MTUS1: variants seen among roughly 807,000 people sequenced by gnomAD.
MTUS1 encodes the protein microtubule-associated tumor suppressor 1.
A neutral mutation model predicts 120.8 loss-of-function variants in MTUS1; 109 were observed. The observed-to-expected ratio is 0.90, with a 90% confidence interval of 0.77 to 1.06. The LOEUF is 1.06. Among genes scored for constraint, MTUS1 ranks in the 50% least tolerant of loss-of-function variants. The probability of loss-of-function intolerance (pLI) is 0.00; values close to 1 mark genes in which losing one functional copy is unlikely to be tolerated. For missense variants in MTUS1, 2,210 were observed against 1,486.3 expected, an observed-to-expected ratio of 1.49 and a Z score of -8.01; for synonymous variants, 737 against 550.5, an observed-to-expected ratio of 1.34 and a Z score of -4.74.
intron 3 of MTUS1, among the ~76,000 whole-genome samples, chr8:17,738,148 G>A (rs752777532): frequency 6.6e-6 from 1 of 152,166 alleles, no homozygotes; most frequent in African/African-American, 2.4e-5. Context: ...CTTTTGAAAT[G>A]TGGTTTCTCT....
At chr8:17,673,853 G>C (rs1194481651) in intron 8 of MTUS1, among the ~76,000 whole-genome samples, 2 of 152,206 alleles carry the variant, frequency 1.3e-5, no homozygotes, top group South Asian at 2.1e-4. Flanking sequence ...CAGGTTGGCA[G>C]TGTGGTCTTG....
chr8:17,750,775 A>G (rs1423732784), intron 2 of MTUS1, among the ~76,000 whole-genome samples: 1 of 152,206 alleles, frequency 6.6e-6, no homozygotes, highest in Admixed American at 6.5e-5. Context: ...ATAAATATCA[A>G]TTCCTTTCCT....
chr8:17,739,246 C>A (rs2047141941), intron 3 of MTUS1, among the ~76,000 whole-genome samples: 1 of 152,136 alleles, frequency 6.6e-6, no homozygotes, highest in Non-Finnish European at 1.5e-5. Flanking sequence ...GTAATCCCAG[C>A]ACTTTGGGAG....
intron 1 of MTUS1, among the ~76,000 whole-genome samples, chr8:17,794,432 T>C (rs527503897): frequency 1.2e-4 from 18 of 152,344 alleles, no homozygotes; most frequent in African/African-American, 4.3e-4. Context: ...TAAGCCTAAC[T>C]ATACACTACG....
chr8:17,663,806 G>C (rs1234252228), intron 8 of MTUS1, among the ~76,000 whole-genome samples: 3 of 152,142 alleles, frequency 2.0e-5, no homozygotes, highest in African/African-American at 4.8e-5. Flanking sequence ...ACGTTGGCCA[G>C]GCTGGTCTCG....
intron 2 of MTUS1, among the ~76,000 whole-genome samples, chr8:17,748,425 G>A (rs533830560): frequency 2.0e-5 from 3 of 152,130 alleles, no homozygotes; most frequent in Non-Finnish European, 4.4e-5. Flanking sequence ...AAGAGCTTGG[G>A]ACCCACCAAC....
At chr8:17,648,318 GAT>G (rs1806264036) in intron 13 of MTUS1, among the ~76,000 whole-genome samples, 1 of 152,172 alleles carries the variant, frequency 6.6e-6, no homozygotes, top group African/African-American at 2.4e-5. Flanking sequence ...AAGGCTGAAG[GAT>G]ATTATCAGGA....
At chr8:17,746,953 G>GAA (rs1335880777) in intron 2 of MTUS1, among the ~76,000 whole-genome samples, 1 of 152,140 alleles carries the variant, frequency 6.6e-6, no homozygotes, top group Non-Finnish European at 1.5e-5. Context: ...CTTCAACAAT[G>GAA]AAAGCTGTTT....
At chr8:17,688,065 T>C (rs1585700821) in intron 6 of MTUS1, among the ~76,000 whole-genome samples, 1 of 152,304 alleles carries the variant, frequency 6.6e-6, no homozygotes, top group African/African-American at 2.4e-5. Flanking sequence ...ATTTCCTCAA[T>C]CTGCTGGCTT....
chr8:17,712,462 G>A (rs573400644), intron 6 of MTUS1, among the ~76,000 whole-genome samples: 3 of 152,022 alleles, frequency 2.0e-5, no homozygotes, highest in Admixed American at 6.5e-5. Flanking sequence ...TCAGCCTCCT[G>A]AGTGGCTGGG....
At chr8:17,661,287 T>C (rs1658059077) in intron 8 of MTUS1, among the ~76,000 whole-genome samples, 1 of 152,130 alleles carries the variant, frequency 6.6e-6, no homozygotes, top group Admixed American at 6.5e-5. Context: ...GAAATTCTAG[T>C]TTCACGCAGG....
chr8:17,737,856 T>C (rs1362827014), intron 3 of MTUS1, among the ~76,000 whole-genome samples: 1 of 152,210 alleles, frequency 6.6e-6, no homozygotes, highest in Non-Finnish European at 1.5e-5. Flanking sequence ...TATTCAAGTA[T>C]GTGAAAAATC....
At chr8:17,696,935 C>A (rs891250869) in intron 6 of MTUS1, among the ~76,000 whole-genome samples, 2 of 152,150 alleles carry the variant, frequency 1.3e-5, no homozygotes, top group African/African-American at 4.8e-5. Context: ...TCCTATTTCC[C>A]AAACACTGGA....
chr8:17,726,522 TA>T (rs1185907557), intron 3 of MTUS1, among the ~76,000 whole-genome samples: 1 of 152,228 alleles, frequency 6.6e-6, no homozygotes, highest in Non-Finnish European at 1.5e-5. Context: ...TTCATTTTTT[TA>T]AATGCCAACA....
In MTUS1 at chr8:17,689,598, A is replaced by G. The variant is rs535720255; in HGVS notation, c.2624-5056T>C. Among the ~76,000 whole-genome samples, 7 of 152,328 alleles carry G rather than the reference A, an allele frequency of 4.6e-5. No individual in the cohort carries two copies. In the South Asian group the frequency reaches 1.4e-3, roughly 32 times the overall value. On this transcript the variant is annotated intron_variant, in intron 6 of 14. Transcript: ENST00000693296. Reference sequence around the variant, plus strand: ...ACTCCTAACTCAAAGAAGAGTTAATATAAATTCACCACATTCAGAAGTACT... The same window carrying G: ...ACTCCTAACTCAAAGAAGAGTTAATGTAAATTCACCACATTCAGAAGTACT...
chr8:17,729,219 G>A (rs2046404207), intron 3 of MTUS1, among the ~76,000 whole-genome samples: 1 of 151,990 alleles, frequency 6.6e-6, no homozygotes, highest in Non-Finnish European at 1.5e-5. Flanking sequence ...TAAAATCAGG[G>A]GAAACTTAAA....
chr8:17,799,752 T>G (rs763296806), intron 1 of MTUS1, among the ~76,000 whole-genome samples: 1 of 152,160 alleles, frequency 6.6e-6, no homozygotes, highest in Admixed American at 6.5e-5. Flanking sequence ...TACCAAGAAT[T>G]ATTTTCTCTT....
At chr8:17,767,939 C>T (rs2049691327) in intron 1 of MTUS1, among the ~76,000 whole-genome samples, 1 of 152,098 alleles carries the variant, frequency 6.6e-6, no homozygotes, top group African/African-American at 2.4e-5. Flanking sequence ...ACTGCTAGGG[C>T]AGATGGGAAC....
In MTUS1 at chr8:17,643,802, T is replaced by C. The variant is rs989371545; in HGVS notation, c.*2124A>G. On this transcript the variant is annotated 3_prime_UTR_variant, in exon 15 of 15. Coordinates refer to ENST00000693296, the MANE Select transcript of MTUS1 (RefSeq NM_001363059.2). ...TGAAGTAGGTCAGAGGATGCAATTC[T>C]TGAGTATTCCAGCATTATTTATTTG... is the stretch of plus-strand genomic sequence containing the variant. The C allele has an allele frequency of 6.6e-6, 1 of 152,236 alleles. No individual in the cohort carries two copies. The highest frequency in any genetic ancestry group is 1.5e-5 in the Non-Finnish European group (1 of 68,046). 9.4% of individuals were successfully genotyped at this position (152,236 alleles called of 1,614,324 possible). A position where few individuals can be genotyped will look rare whatever the true frequency, so the allele number is the denominator to read the frequency against.
Sources: gnomAD v4.1 joint callset for allele counts (sites outside exome capture counted in the v4.1 genomes callset) on GRCh38, gnomAD v4.1.1 for gene constraint, MANE v1.5 for transcripts, NCBI Gene and HGNC (gene_info 2026-07-23, HGNC 2026-07-21) for gene names.